Variants in DNAH5 observed in about 807,000 individuals in gnomAD.
DNAH5 encodes the protein axonemal beta dynein heavy chain 5.
A neutral mutation model predicts 518.2 loss-of-function variants in DNAH5; 372 were observed. That is an observed-to-expected ratio of 0.72 (90% confidence interval 0.66 to 0.78). The LOEUF is 0.78. DNAH5 is among the 30% of genes least tolerant of loss of function. The pLI, the probability that DNAH5 is intolerant of heterozygous loss-of-function variation, is 0.00. For synonymous variants in DNAH5, 2,039 were observed against 2,025.9 expected, an observed-to-expected ratio of 1.01 and a Z score of -0.17; for missense variants, 5,523 against 5,687.0, an observed-to-expected ratio of 0.97 and a Z score of 0.93.
intron 1 of DNAH5, among the ~76,000 whole-genome samples, chr5:13,931,696 T>C (rs1021815800): frequency 3.3e-5 from 5 of 152,262 alleles, no homozygotes; most frequent in African/African-American, 1.2e-4. Context: ...AATTAACTTC[T>C]GAATACCATT....
At chr5:13,740,360 C>T (rs1748283833) in intron 65 of DNAH5, among the ~76,000 whole-genome samples, 1 of 152,128 alleles carries the variant, frequency 6.6e-6, no homozygotes, top group African/African-American at 2.4e-5. Context: ...TCAAAACCCT[C>T]CAGTGGCCAA....
chr5:13,773,155 T>C (rs1375018476), intron 55 of DNAH5, among the ~76,000 whole-genome samples: 1 of 152,178 alleles, frequency 6.6e-6, no homozygotes, highest in East Asian at 1.9e-4. Flanking sequence ...TAAACATTTA[T>C]GTAGTATGCA....
intron 58 of DNAH5, among the ~76,000 whole-genome samples, chr5:13,767,408 A>T (rs1267758885): frequency 6.6e-6 from 1 of 152,224 alleles, no homozygotes; most frequent in Non-Finnish European, 1.5e-5. Context: ...TACAGGCGTG[A>T]GCCAGCATGC....
chr5:13,756,337 C>T (rs1162767180), intron 61 of DNAH5, among the ~76,000 whole-genome samples: 1 of 128,972 alleles, frequency 7.8e-6, no homozygotes, highest in Non-Finnish European at 1.7e-5. Flanking sequence ...TAGGTATGCC[C>T]AGATTTTTTT....
At chr5:13,898,214 A>C (rs1774152849) in intron 15 of DNAH5, 1 of 194,606 alleles carries the variant, frequency 5.1e-6, no homozygotes, top group South Asian at 1.9e-4. Context: ...TTTACCCATA[A>C]AGTCATGATA....
rs963406525 is a variant in DNAH5, at chr5:13,754,118, C to A, written c.10555+85G>T. The A allele has an allele frequency of 8.4e-6, 13 of 1,545,678 alleles. No homozygotes were observed. The African/African-American group carries it at 1.6e-4, about 19-fold the overall frequency. Reference sequence around the variant, plus strand: ...ATGTATACATGCGCCATGTTGGACACACAAAGGAATTTGATTAAAGTATAA... The same window carrying A: ...ATGTATACATGCGCCATGTTGGACAAACAAAGGAATTTGATTAAAGTATAA... On this transcript the variant is annotated intron_variant, in intron 62 of 78. Transcript: ENST00000265104.
chr5:13,692,414 C>T (rs1050433413), intron 78 of DNAH5, among the ~76,000 whole-genome samples: 2 of 152,096 alleles, frequency 1.3e-5, no homozygotes, highest in African/African-American at 4.8e-5. Context: ...CATGCTTCCT[C>T]TCTCTCCTTT....
At chr5:13,977,665 G>A (rs1046273089) in intron 1 of DNAH5, among the ~76,000 whole-genome samples, 9 of 152,082 alleles carry the variant, frequency 5.9e-5, no homozygotes, top group South Asian at 2.1e-4. Context: ...CGTCGAAGGC[G>A]GAGGAAATTT....
At chr5:13,900,475 A>C in intron 14 of DNAH5, 63 bp from the exon 15 acceptor site, 4 of 1,304,678 alleles carry the variant, frequency 3.1e-6, no homozygotes, top group African/African-American at 1.5e-5. Context: ...TATCTAGCTC[A>C]GCTATCTCTA....
intron 60 of DNAH5, among the ~76,000 whole-genome samples, chr5:13,762,201 A>C (rs1751876647): frequency 6.6e-6 from 1 of 152,240 alleles, no homozygotes; most frequent in Non-Finnish European, 1.5e-5. Flanking sequence ...ATGTCTAAAA[A>C]GTCACATTAA....
chr5:13,940,652 A>C (rs1365099747), intron 1 of DNAH5, among the ~76,000 whole-genome samples: 1 of 152,152 alleles, frequency 6.6e-6, no homozygotes, highest in Non-Finnish European at 1.5e-5. Flanking sequence ...TCTAATGTAC[A>C]GCCCAGCCTG....
Position 13,697,393 on chromosome 5 carries a change from G to C in DNAH5, c.13723+3247C>G, listed in dbSNP as rs145394646. ...GCCAAGCAGTGTGCTGAGAACCTTC[G>C]TGTTCCTAATCTGATGCTCAACTCT... On this transcript the variant is annotated intron_variant, in intron 78 of 78. Transcript: ENST00000265104. Among the ~76,000 whole-genome samples, 912 of 152,186 alleles carry C rather than the reference G, an allele frequency of 6.0e-3. 8 individuals are homozygous for C. The highest frequency in any genetic ancestry group is 0.017 in the Middle Eastern group (5 of 294).
In DNAH5 at chr5:13,862,530, G is replaced by T. The variant is rs1019598702; in HGVS notation, c.4796+18C>A. The T allele has an allele frequency of 1.2e-6, 2 of 1,610,578 alleles. No homozygotes were observed. The highest frequency in any genetic ancestry group is 2.2e-5 in the South Asian group (2 of 90,984). ...TACGGTTCTCAAATCTAAGGGAAAA[G>T]ATAGATGGTTTTCCCACCTGTTGCT... On this transcript the variant is annotated intron_variant, in intron 29 of 78. Transcript: ENST00000265104.
chr5:13,713,138 CATATATATACCGACAT>C (rs1369025027), intron 75 of DNAH5, among the ~76,000 whole-genome samples: 7 of 142,050 alleles, frequency 4.9e-5, no homozygotes, highest in African/African-American at 1.1e-4. Flanking sequence ...CACACACTGA[CATATATATACCGACAT>C]ATATATATAC....
intron 44 of DNAH5, among the ~76,000 whole-genome samples, chr5:13,811,188 A>C (rs77632195): frequency 0.16 from 24,728 of 152,184 alleles, 2,069 homozygotes; most frequent in Middle Eastern, 0.21. Flanking sequence ...TAACTGAGGG[A>C]GTCCAATTGT....
chr5:13,918,884 G>T (rs1014884622), intron 7 of DNAH5, among the ~76,000 whole-genome samples: 14 of 152,200 alleles, frequency 9.2e-5, no homozygotes, highest in African/African-American at 3.1e-4. Context: ...TTTCTAGCTG[G>T]TCTGAAATCA....
intron 1 of DNAH5, among the ~76,000 whole-genome samples, chr5:13,996,732 G>C (rs1176168439): frequency 6.6e-6 from 1 of 152,248 alleles, no homozygotes; most frequent in Non-Finnish European, 1.5e-5. Flanking sequence ...TGGCTTTGCT[G>C]GGCACAGCCC....
Position 13,876,774 on chromosome 5 carries a change from T to C in DNAH5, c.3306A>G (p.Gln1102=). The C allele has an allele frequency of 6.2e-7, 1 of 1,613,908 alleles. No individual in the cohort carries two copies. The highest frequency in any genetic ancestry group is 8.5e-7 in the Non-Finnish European group (1 of 1,179,848). Residue 1102 remains glutamine, a synonymous_variant, in exon 22 of 79, where the codon CAA becomes CAG. Transcript: ENST00000265104. The stretch of plus-strand genomic sequence containing the variant: ...AAACATTCTTATAATAGTTCTTGGT[T>C]TGCACGGGAATGGGTAAATTTACAG... ...IASVNLPIPV[Q]TKNYYKNVSE...
chr5:13,928,101 T>C lies in DNAH5; in HGVS notation c.270A>G (p.Ala90=). The C allele has an allele frequency of 6.2e-7, 1 of 1,613,258 alleles. No homozygotes were observed. The highest frequency in any genetic ancestry group is 1.3e-5 in the African/African-American group (1 of 75,038). The change falls in exon 3 of 79, where the codon GCA becomes GCG. Residue 90 remains alanine, a synonymous_variant. Transcript: ENST00000265104. ...LMFYYQDVEE[A]ETGQLGSLGG... is the part of the protein sequence containing the mutation. Reference sequence around the variant, plus strand: ...CACATCAAATTCAGATACCTGTTTCTGCTTCCTCCACATCTTGATAGTAAA... The same window carrying C: ...CACATCAAATTCAGATACCTGTTTCCGCTTCCTCCACATCTTGATAGTAAA...
Sources: allele counts gnomAD v4.1 joint callset (sites outside exome capture counted in the v4.1 genomes callset), GRCh38; gene constraint gnomAD v4.1.1; transcripts MANE v1.5; gene names NCBI Gene and HGNC (gene_info 2026-07-23, HGNC 2026-07-21).